CLK3: variants seen among roughly 807,000 people sequenced by gnomAD.
CLK3 encodes the protein CDC like kinase 3.
A neutral mutation model predicts 65.2 loss-of-function variants in CLK3; 24 were observed. The ratio of observed to expected loss-of-function variants is 0.37; its 90% CI spans 0.27 to 0.52. The LOEUF (loss-of-function observed/expected upper bound fraction) is 0.52. CLK3 is among the 20% of genes least tolerant of loss of function. The probability of loss-of-function intolerance (pLI) is 0.92; values close to 1 mark genes in which losing one functional copy is unlikely to be tolerated. For synonymous variants in CLK3, 252 were observed against 240.8 expected (o/e 1.05, Z -0.43); for missense variants, 506 against 660.0 (o/e 0.77, Z 2.56).
At position 74,620,101 on chromosome 15, in the gene CLK3, A is replaced by G; in HGVS notation, c.245A>G (p.Asp82Gly). 6.2e-7 allele frequency: 1 copy of G among 1,614,082 alleles called. No individual in the cohort carries two copies. The highest frequency in any genetic ancestry group is 8.5e-7 in the Non-Finnish European group (1 of 1,179,964). The change falls in exon 3 of 13, where the codon GAC (aspartate) becomes GGC (glycine). Residue 82 changes from aspartate to glycine, a missense_variant. Asp to Gly is a moderately conservative substitution (Grantham distance 94). Coordinates refer to ENST00000395066, the MANE Select transcript of CLK3 (RefSeq NM_001130028.2). Reference protein sequence around the residue: ...CEERSPSFGEDYYGPSRSRHR... With the variant: ...CEERSPSFGEGYYGPSRSRHR... ...GAGCGGAGCCCATCCTTTGGAGAGG[A>G]CTACTATGGACCTTCACGTTCTCGT...
At chr15:74,615,744 G>C (rs1301651851), upstream of CLK3, 1 of 1,238,862 alleles carries the variant, frequency 8.1e-7, no homozygotes, top group Non-Finnish European at 1.0e-6. Context: ...TCGGGGGCTA[G>C]AGCGGCCAGG....
intron 6 of CLK3, 139 bp from the exon 7 acceptor site, chr15:74,625,663 T>C (rs1282324606): frequency 1.2e-6 from 1 of 812,852 alleles, no homozygotes; most frequent in Admixed American, 2.4e-5. Context: ...TGCTCTGATT[T>C]CTCTTGCACT....
rs141916549 is a variant in CLK3, at chr15:74,619,099, A to G, written c.1-98A>G. 202 of 1,463,198 alleles carry G rather than the reference A, an allele frequency of 1.4e-4. No homozygotes were observed. The East Asian group carries it at 2.8e-3, about 20-fold the overall frequency. 90.6% of individuals were successfully genotyped at this position (1,463,198 alleles called of 1,614,324 possible). On this transcript the variant is annotated intron_variant, in intron 1 of 12. Coordinates refer to ENST00000395066, the MANE Select transcript of CLK3 (RefSeq NM_001130028.2). ...GGAGGGGCCGCCTTCAAACAGAACA[A>G]TGGGCCTCTTCAGGAGCAACCGGGA...
chr15:74,612,655 C>T (rs2062005142), upstream of CLK3, among the ~76,000 whole-genome samples: 1 of 152,190 alleles, frequency 6.6e-6, no homozygotes, highest in South Asian at 2.1e-4. Flanking sequence ...GCCCACCAGG[C>T]CTTCTCCCCA....
intron 6 of CLK3, 57 bp from the exon 7 acceptor site, chr15:74,625,745 G>A: frequency 6.3e-7 from 1 of 1,590,886 alleles, no homozygotes; most frequent in Non-Finnish European, 8.6e-7. Flanking sequence ...ATCTGAGAGA[G>A]GGGGTGAGGC....
chr15:74,626,653 TG>T (rs757994913), intron 7 of CLK3, among the ~76,000 whole-genome samples: 3 of 152,094 alleles, frequency 2.0e-5, no homozygotes, highest in Non-Finnish European at 4.4e-5. Flanking sequence ...GGGAACAGCT[TG>T]GTGAGGCCTG....
At chr15:74,610,664 C>A (rs2061978159) in intron 1 of CLK3, among the ~76,000 whole-genome samples, 1 of 152,242 alleles carries the variant, frequency 6.6e-6, no homozygotes, top group African/African-American at 2.4e-5. Context: ...ATCTCTACCT[C>A]CAGCTGGGCC....
intron 6 of CLK3, 43 bp from the exon 7 acceptor site, chr15:74,625,759 C>T (rs749627281): frequency 6.2e-7 from 1 of 1,606,392 alleles, no homozygotes; most frequent in Admixed American, 1.7e-5. Context: ...GTGAGGCAGG[C>T]CCCCAGCACA....
chr15:74,628,129 C>A, intron 10 of CLK3, 77 bp downstream of exon 10: 7 of 967,594 alleles, frequency 7.2e-6, no homozygotes, highest in Middle Eastern at 2.1e-4. Flanking sequence ...GGTGGGAAGC[C>A]CCACATGGAT....
Position 74,621,020 on chromosome 15 carries a change from C to G in CLK3, c.369+795C>G, listed in dbSNP as rs115021892. On this transcript the variant is annotated intron_variant, in intron 3 of 12. Transcript: ENST00000395066. This position sits in a 1 kb window ranked among gnomAD's most constrained non-coding sequence, Gnocchi z 4.8. Reference sequence around the variant, plus strand: ...GGAAGCAAAGCCAGTTGTGTATTTCCGAGGTTACGTGCGGTCTTCTCTTCT... The same window carrying G: ...GGAAGCAAAGCCAGTTGTGTATTTCGGAGGTTACGTGCGGTCTTCTCTTCT... 6.6e-6 allele frequency: 1 copy of G among 152,556 alleles called. No individual in the cohort carries two copies. Among genetic ancestry groups the G allele is most frequent in the South Asian group, 2.1e-4 (1 of 4,836 alleles). 9.5% of individuals were successfully genotyped at this position (152,556 alleles called of 1,614,324 possible). A position where few individuals can be genotyped will look rare whatever the true frequency, so the allele number is the denominator to read the frequency against.
chr15:74,617,547 G>C (rs1053270314), intron 1 of CLK3, among the ~76,000 whole-genome samples: 1 of 152,238 alleles, frequency 6.6e-6, no homozygotes, highest in African/African-American at 2.4e-5. Context: ...AGCTAGAAGT[G>C]GCAAGCCATG....
chr15:74,615,776 A>C, upstream of CLK3: 1 of 1,243,592 alleles, frequency 8.0e-7, no homozygotes, highest in Non-Finnish European at 1.0e-6. Context: ...GGTCGAGCCG[A>C]GGCTGGCGAC....
At chr15:74,616,501 C>A (rs2062061060) in intron 1 of CLK3, among the ~76,000 whole-genome samples, 1 of 152,268 alleles carries the variant, frequency 6.6e-6, no homozygotes, top group African/African-American at 2.4e-5. Flanking sequence ...CAGTTCAAAT[C>A]CCCTGGCTGC....
chr15:74,627,811 A>T lies in CLK3; in HGVS notation c.1042+143A>T. ...CCAAGGGGCCAGTGTCATGAGACAC[A>T]GGTGACTGACCTGGCTTTATCTGTC... On this transcript the variant is annotated intron_variant, in intron 9 of 12. Transcript: ENST00000395066. The surrounding 1 kb of genome is among the most constrained non-coding windows in gnomAD (Gnocchi z 4.3). 7.7e-7 allele frequency: 1 copy of T among 1,295,066 alleles called. No homozygotes were observed. 80.2% of individuals were successfully genotyped at this position (1,295,066 alleles called of 1,614,324 possible).
At position 74,616,225 on chromosome 15, in the gene CLK3, C is replaced by T. The variant is rs181948016; in HGVS notation, c.-1+327C>T. On this transcript the variant is annotated intron_variant, in intron 1 of 12. Transcript: ENST00000395066. ...GAAGAGCCAGAGAAGCCCTTCAGACCCCTCCCCTACCCCTGGCTTCAGGCT... is the reference window on the plus strand; with the variant it reads ...GAAGAGCCAGAGAAGCCCTTCAGACTCCTCCCCTACCCCTGGCTTCAGGCT... Among the ~76,000 whole-genome samples, 448 of 152,352 alleles carry T rather than the reference C, an allele frequency of 2.9e-3. 1 individual carries two copies. Among genetic ancestry groups the T allele is most frequent in the African/African-American group, 0.01 (421 of 41,582 alleles).
In CLK3 at chr15:74,620,068, G is replaced by A. The variant is rs756011168; in HGVS notation, c.212G>A (p.Arg71Gln). The A allele has an allele frequency of 2.0e-5, 32 of 1,614,078 alleles. No individual in the cohort carries two copies. The highest frequency in any genetic ancestry group is 1.3e-4 in the East Asian group (6 of 44,898). The change falls in exon 3 of 13, where the codon CGG (arginine) becomes CAG (glutamine). Residue 71 changes from arginine (R) to glutamine (Q), a missense_variant. Around this residue, in one of 2 missense-constraint regions of CLK3, gnomAD observed 181 missense variants for 159.4 expected, o/e 1.14. Coordinates refer to ENST00000395066, the MANE Select transcript of CLK3 (RefSeq NM_001130028.2). ...YRERRDSDTY[R>Q]CEERSPSFGE... is the part of the protein sequence containing the mutation. ...GAGCGCCGTGACAGCGATACATACC[G>A]GTGTGAAGAGCGGAGCCCATCCTTT...
At chr15:74,616,235 C>T (rs1364500100) in intron 1 of CLK3, among the ~76,000 whole-genome samples, 1 of 152,256 alleles carries the variant, frequency 6.6e-6, no homozygotes, top group Non-Finnish European at 1.5e-5. Flanking sequence ...CCCTCCCCTA[C>T]CCCTGGCTTC....
chr15:74,622,297 C>T lies in CLK3; in HGVS notation c.466+81C>T, dbSNP rs1399062899. The stretch of plus-strand genomic sequence containing the variant: ...CGAGACCTCTCCTGCCTGGAGGGGC[C>T]TCTAGTGCGCGTGGTGCCTTAGCGG... On this transcript the variant is annotated intron_variant, in intron 4 of 12. Coordinates refer to ENST00000395066, the MANE Select transcript of CLK3 (RefSeq NM_001130028.2). This position sits in a 1 kb window ranked among gnomAD's most constrained non-coding sequence, Gnocchi z 4.6. The T allele has an allele frequency of 7.3e-7, 1 of 1,364,748 alleles. No homozygotes were observed. Among genetic ancestry groups the T allele is most frequent in the Non-Finnish European group, 1.0e-6 (1 of 973,058 alleles). The allele number at this position is 1,364,748 out of a possible 1,614,324, so 84.5% of individuals were successfully genotyped here. A position where few individuals can be genotyped will look rare whatever the true frequency, so the allele number is the denominator to read the frequency against.
At position 74,619,300 on chromosome 15, in the gene CLK3, G is replaced by A. The variant is rs1291343966; in HGVS notation, c.104G>A (p.Arg35Gln). The A allele has an allele frequency of 2.5e-6, 4 of 1,614,178 alleles. No individual in the cohort carries two copies. The South Asian group carries it at 3.3e-5, about 13-fold the overall frequency. ...AGTCGGGAACATGAAGGGAGACTGCGATACCCGTCCCGAAGGGAGCCTCCC... is the reference window on the plus strand; with the variant it reads ...AGTCGGGAACATGAAGGGAGACTGCAATACCCGTCCCGAAGGGAGCCTCCC... ...SYSREHEGRLRYPSRREPPPR... is the reference protein window; with the variant it reads ...SYSREHEGRLQYPSRREPPPR... Residue 35 changes from arginine to glutamine, a missense_variant, in exon 2 of 13, where the codon CGA becomes CAA. Physicochemically the swap from Arg to Gln is conservative, Grantham distance 43 (BLOSUM62 1). This residue lies in a region of CLK3 where 181 missense variants were observed against 159.4 expected (regional missense o/e 1.14). Coordinates refer to ENST00000395066, the MANE Select transcript of CLK3 (RefSeq NM_001130028.2).
Sources: gnomAD v4.1 joint callset for allele counts (sites outside exome capture counted in the v4.1 genomes callset) on GRCh38, gnomAD v4.1.1 for gene constraint, gnomAD v4.1.1 regional missense constraint, Gnocchi (gnomAD v3.1) non-coding constraint, MANE v1.5 for transcripts, NCBI Gene and HGNC (gene_info 2026-07-23, HGNC 2026-07-21) for gene names.